The following CECR2 variants were observed in gnomAD, a reference collection of about 807,000 sequenced individuals.
CECR2 encodes CECR2 histone acetyl-lysine reader, also known as chromatin remodeling regulator CECR2.
CECR2 carries 30 observed loss-of-function variants against 154.5 expected under a neutral mutation model. The observed-to-expected ratio is 0.19, with a 90% confidence interval of 0.15 to 0.26. The LOEUF (loss-of-function observed/expected upper bound fraction) is 0.26. Among genes scored for constraint, CECR2 ranks in the 10% least tolerant of loss-of-function variants. CECR2 has a pLI of 1.00. For missense variants in CECR2, 1,743 were observed against 1,829.3 expected, an observed-to-expected ratio of 0.95 and a Z score of 0.86; for synonymous variants, 725 against 683.7, an observed-to-expected ratio of 1.06 and a Z score of -0.94.
At chr22:17,494,827 T>C (rs372955632) in intron 2 of CECR2, among the ~76,000 whole-genome samples, 7 of 152,256 alleles carry the variant, frequency 4.6e-5, no homozygotes, top group African/African-American at 9.6e-5. Flanking sequence ...CCTGAGTAGC[T>C]GGGACTACAG....
chr22:17,478,044 T>C (rs1165643749), intron 2 of CECR2, among the ~76,000 whole-genome samples: 1 of 152,178 alleles, frequency 6.6e-6, no homozygotes, highest in Non-Finnish European at 1.5e-5. Flanking sequence ...CTTTCTGTCA[T>C]TTGAGTATCT....
intron 1 of CECR2, among the ~76,000 whole-genome samples, chr22:17,443,474 G>A (rs2054613504): frequency 6.6e-6 from 1 of 152,134 alleles, no homozygotes; most frequent in South Asian, 2.1e-4. Flanking sequence ...GGCAGATGGT[G>A]GAAAGGCACC....
At chr22:17,475,192 T>G (rs1328593204) in intron 1 of CECR2, among the ~76,000 whole-genome samples, 1 of 152,112 alleles carries the variant, frequency 6.6e-6, no homozygotes, top group Non-Finnish European at 1.5e-5. Context: ...GCAGTACAGT[T>G]CAGCAGAGGG....
intron 1 of CECR2, among the ~76,000 whole-genome samples, chr22:17,457,207 A>T (rs1389321597): frequency 1.3e-5 from 2 of 152,278 alleles, no homozygotes; most frequent in South Asian, 2.1e-4. Context: ...TTGTATTTTT[A>T]CTAGAGACGG....
In CECR2 at chr22:17,377,022, T is replaced by G. The variant is rs541201448; in HGVS notation, c.126+7113T>G. Among the ~76,000 whole-genome samples, 4 of 152,330 alleles carry G rather than the reference T, an allele frequency of 2.6e-5. No homozygotes were observed. The South Asian group carries it at 8.3e-4, about 32-fold the overall frequency. On this transcript the variant is annotated intron_variant, in intron 1 of 18. Coordinates refer to ENST00000262608, the MANE Select transcript of CECR2 (RefSeq NM_001290047.2). Reference sequence around the variant, plus strand: ...AGTTGTGTTCTTAGGCAGATGACTGTGGGTTTCAGGTGCCCCATCTATAGA... The same window carrying G: ...AGTTGTGTTCTTAGGCAGATGACTGGGGGTTTCAGGTGCCCCATCTATAGA...
chr22:17,531,959 T>A (rs998931022), intron 9 of CECR2, among the ~76,000 whole-genome samples: 1 of 152,074 alleles, frequency 6.6e-6, no homozygotes, highest in African/African-American at 2.4e-5. Flanking sequence ...ACTTGAGTCC[T>A]GGAGTTCAAG....
intron 16 of CECR2, among the ~76,000 whole-genome samples, chr22:17,547,038 C>CAAA (rs1167599171): frequency 1.5e-3 from 82 of 53,758 alleles, no homozygotes; most frequent in African/African-American, 4.0e-3. Flanking sequence ...GACTCTGCCT[C>CAAA]AAAAAAAAAA....
chr22:17,368,312 C>T (rs1196248348), upstream of CECR2, among the ~76,000 whole-genome samples: 1 of 152,124 alleles, frequency 6.6e-6, no homozygotes, highest in Non-Finnish European at 1.5e-5. Flanking sequence ...GTGATTGTGC[C>T]TGTCACTCAA....
rs1011528718 is a variant in CECR2 at position 17,526,598 on chromosome 22, C to T, written c.1108+2327C>T. 2.6e-5 allele frequency among the ~76,000 whole-genome samples: 4 copies of T among 152,106 alleles called. No individual in the cohort carries two copies. The East Asian group carries it at 5.8e-4, about 22-fold the overall frequency. ...GGCCAAGGCGGGTGAATTACAAGGT[C>T]AAGAGTTCAAGGCCAGCCTGGCCAA... On this transcript the variant is annotated intron_variant, in intron 9 of 18. Transcript: ENST00000262608.
chr22:17,493,989 C>G (rs771831334), intron 2 of CECR2, among the ~76,000 whole-genome samples: 1 of 152,160 alleles, frequency 6.6e-6, no homozygotes, highest in Non-Finnish European at 1.5e-5. Flanking sequence ...TAGAAATTCT[C>G]GAAAGCATGC....
chr22:17,505,057 C>T, intron 7 of CECR2, 41 bp downstream of exon 7: 1 of 1,582,436 alleles, frequency 6.3e-7, no homozygotes, highest in Non-Finnish European at 8.6e-7. Flanking sequence ...AGTGTTAGGC[C>T]TGATGCTGCA....
chr22:17,469,052 A>G (rs973453767), intron 1 of CECR2, among the ~76,000 whole-genome samples: 2 of 151,576 alleles, frequency 1.3e-5, no homozygotes, highest in Non-Finnish European at 1.5e-5. Context: ...TCCTGACCCA[A>G]TCACCTCTTG....
intron 9 of CECR2, among the ~76,000 whole-genome samples, chr22:17,527,426 C>A (rs1446247706): frequency 6.6e-6 from 1 of 151,876 alleles, no homozygotes; most frequent in Non-Finnish European, 1.5e-5. Context: ...CCACTGCACT[C>A]CATCCTGGGC....
chr22:17,368,686 A>T (rs1197970424), upstream of CECR2, among the ~76,000 whole-genome samples: 2 of 151,818 alleles, frequency 1.3e-5, no homozygotes, highest in Non-Finnish European at 2.9e-5. Context: ...TTCCAAGCAC[A>T]TTGTGCTCAC....
At chr22:17,417,480 GAA>G (rs893717119) in intron 1 of CECR2, among the ~76,000 whole-genome samples, 3 of 149,558 alleles carry the variant, frequency 2.0e-5, no homozygotes, top group Admixed American at 6.6e-5. Flanking sequence ...CTTGTGGCCT[GAA>G]AAAAAATTTT....
chr22:17,511,843 T>C lies in CECR2; in HGVS notation c.901T>C (p.Leu301=), dbSNP rs61745636. The change falls in exon 8 of 19, where the codon TTG becomes CTG. Residue 301 remains leucine, a synonymous_variant. Transcript: ENST00000262608. ...GKRPQRTKAE[L]HPRWMSDHLS... ...ACGTCCACAGCGCACAAAGGCAGAG[T>C]TGCATCCTAGGTGGATGTCTGACCA... 40 of 1,612,082 alleles carry C rather than the reference T, an allele frequency of 2.5e-5. No homozygotes were observed. The South Asian group carries it at 4.3e-4, about 17-fold the overall frequency.
chr22:17,370,148 G>A (rs1279652471), intron 1 of CECR2, among the ~76,000 whole-genome samples: 1 of 151,132 alleles, frequency 6.6e-6, no homozygotes, highest in Admixed American at 6.6e-5. Flanking sequence ...AGCAGGCACC[G>A]CGAGGGCGGG....
intron 1 of CECR2, among the ~76,000 whole-genome samples, chr22:17,465,431 G>C (rs914583166): frequency 6.6e-6 from 1 of 152,108 alleles, no homozygotes; most frequent in Non-Finnish European, 1.5e-5. Flanking sequence ...CTGAGTTCAA[G>C]TGATTCTCAT....
At chr22:17,360,359 T>C (rs2062970026) in intron 1 of CECR2, among the ~76,000 whole-genome samples, 1 of 152,114 alleles carries the variant, frequency 6.6e-6, no homozygotes. Flanking sequence ...TTGTACAACA[T>C]CGTGAGACAC....
Sources: allele counts gnomAD v4.1 joint callset (sites outside exome capture counted in the v4.1 genomes callset), GRCh38; gene constraint gnomAD v4.1.1; transcripts MANE v1.5; gene names NCBI Gene and HGNC (gene_info 2026-07-23, HGNC 2026-07-21).